OTUD7A: variants seen among roughly 807,000 people sequenced by gnomAD.
The protein encoded by OTUD7A is OTU domain-containing protein 7A.
A neutral mutation model predicts 65.7 loss-of-function variants in OTUD7A; 12 were observed. The ratio of observed to expected loss-of-function variants is 0.18; its 90% CI spans 0.12 to 0.30. OTUD7A has a LOEUF of 0.30. Ranked by LOEUF, OTUD7A falls within the 10% of genes least tolerant of loss-of-function variation. The pLI is 1.00. For missense variants in OTUD7A, 1,148 were observed against 1,304.8 expected (o/e 0.88, Z 1.85); for synonymous variants, 641 against 586.3 (o/e 1.09, Z -1.35).
rs567682047 is a variant in OTUD7A at position 31,598,358 on chromosome 15, G to A, written c.152-28161C>T. Among the ~76,000 whole-genome samples, 282 of 152,268 alleles carry A rather than the reference G, an allele frequency of 1.9e-3. 1 individual carries two copies. Among genetic ancestry groups the A allele is most frequent in the African/African-American group, 6.2e-3 (259 of 41,544 alleles). ...GGGTGCAGCCCACAGAGGGCGAGCC[G>A]AAGCAGGGCAGGGCGTCGCCTCACC... On this transcript the variant is annotated intron_variant, in intron 3 of 12. Transcript: ENST00000307050.
At chr15:31,539,586 A>ATAAAT (rs1181973664) in intron 5 of OTUD7A, among the ~76,000 whole-genome samples, 4 of 152,204 alleles carry the variant, frequency 2.6e-5, no homozygotes, top group Non-Finnish European at 5.9e-5. Context: ...TGGAATGAAA[A>ATAAAT]TAAATTACAA....
chr15:31,647,185 C>T (rs1595682758), intron 3 of OTUD7A, among the ~76,000 whole-genome samples: 1 of 151,402 alleles, frequency 6.6e-6, no homozygotes, highest in East Asian at 1.9e-4. Context: ...CGGCCAAGGG[C>T]CATCACACCT....
At chr15:31,622,114 A>G (rs1210155051) in intron 3 of OTUD7A, among the ~76,000 whole-genome samples, 3 of 151,998 alleles carry the variant, frequency 2.0e-5, no homozygotes, top group Non-Finnish European at 4.4e-5. Context: ...TGGCTTGTGG[A>G]GTTTCTGCCG....
At chr15:31,681,390 C>T (rs115084671) in intron 1 of OTUD7A, among the ~76,000 whole-genome samples, 1,600 of 152,108 alleles carry the variant, frequency 0.011, 18 homozygotes, top group East Asian at 0.039. Context: ...GGTCTTTGTG[C>T]TATATATCTG....
intron 1 of OTUD7A, among the ~76,000 whole-genome samples, chr15:31,662,178 C>T (rs374964476): frequency 1.2e-4 from 19 of 152,258 alleles, no homozygotes; most frequent in African/African-American, 2.6e-4. Context: ...AGAGGGGTTG[C>T]GTATACTGGC....
At chr15:31,856,505 A>G (rs6493998) in intron 1 of OTUD7A, among the ~76,000 whole-genome samples, 142,515 of 152,270 alleles carry the variant, frequency 0.94, 67,414 homozygotes, top group East Asian at 1. Context: ...ACAGAGAGGA[A>G]CAAAATGCTG....
chr15:31,550,389 A>AAC (rs1328252830), intron 5 of OTUD7A, among the ~76,000 whole-genome samples: 1 of 152,162 alleles, frequency 6.6e-6, no homozygotes, highest in Non-Finnish European at 1.5e-5. Flanking sequence ...GCCTGTCTGT[A>AAC]AGACACCTGC....
chr15:31,491,845 T>C (rs887748941), intron 10 of OTUD7A, among the ~76,000 whole-genome samples: 9 of 151,920 alleles, frequency 5.9e-5, no homozygotes, highest in Non-Finnish European at 1.2e-4. Context: ...AGCCAGAAGA[T>C]AATGGAGTGA....
At chr15:31,573,655 C>T (rs769923910) in intron 3 of OTUD7A, among the ~76,000 whole-genome samples, 1 of 152,228 alleles carries the variant, frequency 6.6e-6, no homozygotes, top group Non-Finnish European at 1.5e-5. Context: ...AATCCCAGTA[C>T]TTTGGGAGGC....
In OTUD7A at chr15:31,484,038, C is replaced by T. The variant is rs772539023; in HGVS notation, c.2058G>A (p.Ala686=). The T allele has an allele frequency of 1.0e-5, 13 of 1,248,854 alleles. No homozygotes were observed. Among genetic ancestry groups the T allele is most frequent in the South Asian group, 3.2e-5 (1 of 31,236 alleles). 77.4% of individuals were successfully genotyped at this position (1,248,854 alleles called of 1,614,324 possible). A position where few individuals can be genotyped will look rare whatever the true frequency, so the allele number is the denominator to read the frequency against. Residue 686 remains alanine (A), a synonymous_variant, in exon 13 of 13, where the codon GCG becomes GCA. Coordinates refer to ENST00000307050, the MANE Select transcript of OTUD7A (RefSeq NM_001382637.1). This position sits in a 1 kb window ranked among gnomAD's most constrained non-coding sequence, Gnocchi z 4.5. ...QEQRRRDAAT[A]AAAAAAAAAA... is the part of the protein sequence containing the mutation. ...CGGCGGCGGCGGCGGCAGCGGCGGC[C>T]GCAGTAGCGGCGTCGCGGCGCCGCT...
At chr15:31,814,116 G>T (rs151218069) in intron 1 of OTUD7A, among the ~76,000 whole-genome samples, 1 of 152,204 alleles carries the variant, frequency 6.6e-6, no homozygotes, top group South Asian at 2.1e-4. Flanking sequence ...TATTTCTCAC[G>T]CATGCTAATT....
rs561541415 is a variant in OTUD7A at position 31,709,409 on chromosome 15, G to A, written c.-99-52332C>T. Among the ~76,000 whole-genome samples the A allele has an allele frequency of 6.0e-4, 91 of 152,170 alleles. 2 individuals are homozygous for A. In the East Asian group the frequency reaches 0.013, roughly 22 times the overall value. ...TCTCTGGACACCAGCCTGCACACAC[G>A]TGGGGCACCTGGGAACCTGCATAGG... is the stretch of plus-strand genomic sequence containing the variant. On this transcript the variant is annotated intron_variant, in intron 1 of 12. Coordinates refer to ENST00000307050, the MANE Select transcript of OTUD7A (RefSeq NM_001382637.1).
At chr15:31,761,696 A>G (rs1390688925) in intron 1 of OTUD7A, among the ~76,000 whole-genome samples, 1 of 152,212 alleles carries the variant, frequency 6.6e-6, no homozygotes, top group Admixed American at 6.5e-5. Flanking sequence ...AAATGAAAAC[A>G]TATCTGTATA....
At chr15:31,834,233 G>A (rs1259954270) in intron 1 of OTUD7A, among the ~76,000 whole-genome samples, 3 of 152,190 alleles carry the variant, frequency 2.0e-5, no homozygotes, top group Admixed American at 6.5e-5. Context: ...TAGCAACAAG[G>A]TTGGAGTTCA....
At chr15:31,784,675 T>C (rs981300070) in intron 1 of OTUD7A, among the ~76,000 whole-genome samples, 1 of 152,152 alleles carries the variant, frequency 6.6e-6, no homozygotes, top group Admixed American at 6.5e-5. Context: ...CATCAAAAAT[T>C]TTGAGAACCA....
At chr15:31,721,098 G>GTGTGC (rs1366224417) in intron 1 of OTUD7A, among the ~76,000 whole-genome samples, 1 of 152,270 alleles carries the variant, frequency 6.6e-6, no homozygotes, top group African/African-American at 2.4e-5. Context: ...ACTCTACGAT[G>GTGTGC]TTCACACAAT....
At chr15:31,757,868 G>A (rs1449999324) in intron 1 of OTUD7A, among the ~76,000 whole-genome samples, 2 of 152,186 alleles carry the variant, frequency 1.3e-5, no homozygotes, top group Admixed American at 1.3e-4. Context: ...AGGAGGATGT[G>A]AAGAGGCTTT....
chr15:31,661,109 T>C (rs1892150743), intron 1 of OTUD7A, among the ~76,000 whole-genome samples: 1 of 152,252 alleles, frequency 6.6e-6, no homozygotes, highest in South Asian at 2.1e-4. Context: ...CATAGATGCA[T>C]GATTGGAAGC....
At position 31,487,648 on chromosome 15, in the gene OTUD7A, C is replaced by CTTTTAA; in HGVS notation, c.1172-83_1172-82insTTAAAA. ...GCAAGGAAATTCCCAAGCCAGGTATCTGGGTGACAAATGCACCGAGTGGAC... is the reference window on the plus strand; with the variant it reads ...GCAAGGAAATTCCCAAGCCAGGTATCTTTTAATGGGTGACAAATGCACCGAGTGGAC... On this transcript the variant is annotated intron_variant, in intron 10 of 12. Coordinates refer to ENST00000307050, the MANE Select transcript of OTUD7A (RefSeq NM_001382637.1). The surrounding 1 kb of genome is among the most constrained non-coding windows in gnomAD (Gnocchi z 6.0). 9.0e-7 allele frequency: 1 copy of CTTTTAA among 1,114,766 alleles called. No homozygotes were observed. Among genetic ancestry groups the CTTTTAA allele is most frequent in the Non-Finnish European group, 1.3e-6 (1 of 784,196 alleles). 69.1% of individuals were successfully genotyped at this position (1,114,766 alleles called of 1,614,324 possible).
Sources: allele counts gnomAD v4.1 joint callset (sites outside exome capture counted in the v4.1 genomes callset), GRCh38; gene constraint gnomAD v4.1.1; non-coding constraint Gnocchi (gnomAD v3.1); transcripts MANE v1.5; gene names NCBI Gene and HGNC (gene_info 2026-07-23, HGNC 2026-07-21).